Variants in SMC1B observed in about 807,000 individuals in gnomAD.
SMC1B encodes structural maintenance of chromosomes protein 1B.
In SMC1B, 60 loss-of-function variants were observed where a neutral mutation model predicts 157.9. That is an observed-to-expected ratio of 0.38 (90% confidence interval 0.31 to 0.47). SMC1B has a LOEUF of 0.47. Among genes scored for constraint, SMC1B ranks in the 20% least tolerant of loss-of-function variants. The pLI is 0.99. For missense variants in SMC1B, 1,165 were observed against 1,426.2 expected (o/e 0.82, Z 2.95); for synonymous variants, 445 against 483.0 (o/e 0.92, Z 1.03).
In SMC1B at chr22:45,396,092, T is replaced by A. The variant is rs1329567208; in HGVS notation, c.1254+254A>T. 2.6e-5 allele frequency among the ~76,000 whole-genome samples: 4 copies of A among 152,244 alleles called. No homozygotes were observed. In the East Asian group the frequency reaches 7.7e-4, roughly 29 times the overall value. ...TTATAACATATCAATTACACAATTATACAAATGTTTTAAAAGTAATTCCTG... is the reference window on the plus strand; with the variant it reads ...TTATAACATATCAATTACACAATTAAACAAATGTTTTAAAAGTAATTCCTG... On this transcript the variant is annotated intron_variant, in intron 7 of 24. Transcript: ENST00000357450.
At chr22:45,360,297 G>C (rs1023950452) in intron 17 of SMC1B, among the ~76,000 whole-genome samples, 1 of 152,192 alleles carries the variant, frequency 6.6e-6, no homozygotes, top group Admixed American at 6.5e-5. Flanking sequence ...GAAATCCCTT[G>C]CCAGTAAGTC....
rs185337899 is a variant in SMC1B, at chr22:45,396,385, T to G, written c.1215A>C (p.Glu405Asp). The change falls in exon 7 of 25, where the codon GAA becomes GAC. Residue 405 changes from glutamate to aspartate, a missense_variant. Coordinates refer to ENST00000357450, the MANE Select transcript of SMC1B (RefSeq NM_148674.5). Reference sequence around the variant, plus strand: ...GCCTCCTCTTTTCAAATGCCAGTCTTTCTTCATCTGTCTTCTGTTCCCACT... The same window carrying G: ...GCCTCCTCTTTTCAAATGCCAGTCTGTCTTCATCTGTCTTCTGTTCCCACT... ...KLQWEQKTDE[E>D]RLAFEKRRHG... is the part of the protein sequence containing the mutation. 9.5e-5 allele frequency: 153 copies of G among 1,613,336 alleles called. No homozygotes were observed. The East Asian group carries it at 2.8e-3, about 30-fold the overall frequency.
At chr22:45,352,768 C>A (rs2086627478) in intron 21 of SMC1B, among the ~76,000 whole-genome samples, 166 bp from the exon 22 acceptor site, 1 of 152,174 alleles carries the variant, frequency 6.6e-6, no homozygotes, top group African/African-American at 2.4e-5. Flanking sequence ...TCACAGACAA[C>A]AGGGTTGTCT....
At chr22:45,410,000 G>C (rs1425797900) in intron 1 of SMC1B, among the ~76,000 whole-genome samples, 3 of 152,210 alleles carry the variant, frequency 2.0e-5, no homozygotes, top group African/African-American at 7.2e-5. Context: ...GCTGCACATT[G>C]AGTCTTTAGT....
At chr22:45,348,633 A>C (rs943355298) in intron 23 of SMC1B, among the ~76,000 whole-genome samples, 1 of 152,164 alleles carries the variant, frequency 6.6e-6, no homozygotes, top group Non-Finnish European at 1.5e-5. Flanking sequence ...ATTTCTCATC[A>C]ACTCTGGAAG....
intron 22 of SMC1B, among the ~76,000 whole-genome samples, chr22:45,350,251 GTTC>G (rs2086598261): frequency 1.4e-5 from 2 of 145,024 alleles, no homozygotes; most frequent in Non-Finnish European, 3.0e-5. Flanking sequence ...TGTCTCCTGA[GTTC>G]TTTTTTTTTT....
At chr22:45,389,625 T>A in intron 10 of SMC1B, 87 bp downstream of exon 10, 3 of 1,205,060 alleles carry the variant, frequency 2.5e-6, no homozygotes, top group Non-Finnish European at 3.5e-6. Flanking sequence ...TTTTTCTCTA[T>A]CACTATCATA....
intron 12 of SMC1B, among the ~76,000 whole-genome samples, chr22:45,376,898 C>A (rs536232401): frequency 6.6e-6 from 1 of 152,236 alleles, no homozygotes; most frequent in African/African-American, 2.4e-5. Flanking sequence ...CCAAAACTTT[C>A]ATTTATATCT....
At chr22:45,345,995 G>A (rs2086547852) in intron 23 of SMC1B, among the ~76,000 whole-genome samples, 1 of 151,476 alleles carries the variant, frequency 6.6e-6, no homozygotes, top group Non-Finnish European at 1.5e-5. Context: ...CCAGAGGTCA[G>A]GAGTTCAAAA....
chr22:45,357,868 T>C (rs2086684434), intron 19 of SMC1B, among the ~76,000 whole-genome samples: 1 of 152,206 alleles, frequency 6.6e-6, no homozygotes, highest in East Asian at 1.9e-4. Context: ...TAAGCCCCCG[T>C]CAATCATACC....
At chr22:45,346,763 G>A (rs993086475) in intron 23 of SMC1B, among the ~76,000 whole-genome samples, 4 of 152,182 alleles carry the variant, frequency 2.6e-5, no homozygotes, top group African/African-American at 7.2e-5. Flanking sequence ...AAGATGCAGG[G>A]CATGCGTTTT....
chr22:45,354,510 C>A (rs2086651204), intron 20 of SMC1B, among the ~76,000 whole-genome samples: 1 of 152,114 alleles, frequency 6.6e-6, no homozygotes, highest in South Asian at 2.1e-4. Context: ...CCTGCCTCAG[C>A]CTCCCGAGTA....
intron 7 of SMC1B, among the ~76,000 whole-genome samples, 180 bp downstream of exon 7, chr22:45,396,166 T>C (rs1334967982): frequency 6.6e-6 from 1 of 152,210 alleles, no homozygotes; most frequent in African/African-American, 2.4e-5. Context: ...CCTCTTCTAC[T>C]CACAGAACTA....
chr22:45,364,107 C>T (rs1196307134), intron 15 of SMC1B, among the ~76,000 whole-genome samples: 1 of 152,162 alleles, frequency 6.6e-6, no homozygotes, highest in Non-Finnish European at 1.5e-5. Context: ...CCTCTGCCTC[C>T]CAAAGTGCTG....
intron 17 of SMC1B, 58 bp from the exon 18 acceptor site, chr22:45,360,016 G>A: frequency 7.6e-7 from 1 of 1,312,048 alleles, no homozygotes; most frequent in Non-Finnish European, 1.1e-6. Flanking sequence ...CTGCACCAAG[G>A]AAGAAAAATG....
intron 1 of SMC1B, among the ~76,000 whole-genome samples, chr22:45,409,995 A>G (rs2087313022): frequency 1.3e-5 from 2 of 152,226 alleles, no homozygotes; most frequent in Admixed American, 6.5e-5. Context: ...AAAACGCTGC[A>G]CATTGAGTCT....
chr22:45,357,590 G>A (rs985427145), intron 19 of SMC1B, among the ~76,000 whole-genome samples: 2 of 151,586 alleles, frequency 1.3e-5, no homozygotes, highest in Non-Finnish European at 2.9e-5. Context: ...CCCTTCCCAA[G>A]AAGGGAAAAG....
At chr22:45,398,700 A>G (rs1196624208) in intron 6 of SMC1B, among the ~76,000 whole-genome samples, 1 of 152,106 alleles carries the variant, frequency 6.6e-6, no homozygotes, top group Non-Finnish European at 1.5e-5. Context: ...ATGGTGGCGC[A>G]TGCCTGTAAT....
chr22:45,374,257 G>A (rs1334592927), intron 12 of SMC1B, among the ~76,000 whole-genome samples: 2 of 151,726 alleles, frequency 1.3e-5, no homozygotes, highest in African/African-American at 4.8e-5. Context: ...TGAGTGGTCT[G>A]TGTAAGTCAC....
Sources: allele counts gnomAD v4.1 joint callset (sites outside exome capture counted in the v4.1 genomes callset), GRCh38; gene constraint gnomAD v4.1.1; transcripts MANE v1.5; gene names NCBI Gene and HGNC (gene_info 2026-07-23, HGNC 2026-07-21).